SGTA: variants seen among roughly 807,000 people sequenced by gnomAD.
SGTA encodes small glutamine-rich tetratricopeptide repeat-containing protein alpha.
Under a neutral mutation model 44.3 loss-of-function variants are expected in SGTA, and 22 were observed. The ratio of observed to expected loss-of-function variants is 0.50; its 90% CI spans 0.36 to 0.71. The LOEUF (loss-of-function observed/expected upper bound fraction) is 0.71. SGTA is among the 30% of genes least tolerant of loss of function. The pLI, the probability that SGTA is intolerant of heterozygous loss-of-function variation, is 0.00. For missense variants in SGTA, 341 were observed against 435.9 expected (o/e 0.78, Z 1.94); for synonymous variants, 174 against 177.6 (o/e 0.98, Z 0.16).
Position 2,763,749 on chromosome 19 carries a change from G to C in SGTA, c.401C>G (p.Ala134Gly). 1 of 1,613,410 alleles carries C rather than the reference G, an allele frequency of 6.2e-7. No individual in the cohort carries two copies. The change falls in exon 6 of 12, where the codon GCC (alanine) becomes GGC (glycine). Residue 134 changes from alanine to glycine, a missense_variant. Physicochemically the swap from Ala to Gly is moderately conservative, Grantham distance 60 (BLOSUM62 0). Coordinates refer to ENST00000221566, the MANE Select transcript of SGTA (RefSeq NM_003021.4). This position sits in a 1 kb window ranked among gnomAD's most constrained non-coding sequence, Gnocchi z 5.8. ...TGCGTAGTTGCCGAGTTTGCTGTAG[G>C]CTGCGGCTCTGGGGAAGAAAAGGCA... ...NAVYFCNRAAAYSKLGNYAGA... is the reference protein window; with the variant it reads ...NAVYFCNRAAGYSKLGNYAGA...
In SGTA at chr19:2,769,191, T is replaced by C. The variant is rs1394319365; in HGVS notation, c.-23-100A>G. 1.5e-5 allele frequency: 10 copies of C among 679,534 alleles called. No homozygotes were observed. In the Admixed American group the frequency reaches 2.4e-4, roughly 16 times the overall value. The allele number at this position is 679,534 out of a possible 1,614,324, so 42.1% of individuals were successfully genotyped here. ...TAGCTGGGCCTCACTTTAAGGGTGC[T>C]GGCTGATCTCAGCTCCAGGACAGCC... On this transcript the variant is annotated intron_variant, in intron 1 of 11. Coordinates refer to ENST00000221566, the MANE Select transcript of SGTA (RefSeq NM_003021.4).
chr19:2,759,466 A>C, intron 8 of SGTA, 172 bp from the exon 9 acceptor site: 1 of 610,558 alleles, frequency 1.6e-6, no homozygotes, highest in Non-Finnish European at 2.9e-6. Context: ...TCGCCCCCCC[A>C]CCCACGAGCT....
intron 9 of SGTA, among the ~76,000 whole-genome samples, chr19:2,758,087 C>T (rs1402001366): frequency 6.6e-6 from 1 of 152,208 alleles, no homozygotes; most frequent in African/African-American, 2.4e-5. Flanking sequence ...TGGGTTACGC[C>T]AAGACAGGGG....
At chr19:2,760,329 A>T (rs998606614) in intron 8 of SGTA, among the ~76,000 whole-genome samples, 1 of 151,744 alleles carries the variant, frequency 6.6e-6, no homozygotes, top group East Asian at 1.9e-4. Context: ...CCAGCCTGGC[A>T]AACATGGTGA....
intron 2 of SGTA, among the ~76,000 whole-genome samples, chr19:2,768,506 G>A (rs1915212128): frequency 6.6e-6 from 1 of 152,204 alleles, no homozygotes; most frequent in Non-Finnish European, 1.5e-5. Flanking sequence ...GGATCCAGGT[G>A]TCGCAGAAGC....
chr19:2,779,427 T>A (rs577700443), intron 1 of SGTA, among the ~76,000 whole-genome samples: 128 of 152,172 alleles, frequency 8.4e-4, no homozygotes, highest in African/African-American at 2.9e-3. Context: ...CGTAAGAAAG[T>A]TTTCTGCTCT....
intron 1 of SGTA, chr19:2,782,628 C>T (rs1407945107): frequency 6.6e-6 from 1 of 152,220 alleles, no homozygotes; most frequent in Non-Finnish European, 1.5e-5. Context: ...CAGATTTCCC[C>T]CACCTCTAGC....
Position 2,754,890 on chromosome 19 carries a change from G to T in SGTA, c.*1050C>A, listed in dbSNP as rs1188625345. 3 of 152,408 alleles carry T rather than the reference G, an allele frequency of 2.0e-5. No individual in the cohort carries two copies. The East Asian group carries it at 5.8e-4, about 30-fold the overall frequency. 9.4% of individuals were successfully genotyped at this position (152,408 alleles called of 1,614,324 possible). On this transcript the variant is annotated 3_prime_UTR_variant, in exon 12 of 12. Transcript: ENST00000221566. This position sits in a 1 kb window ranked among gnomAD's most constrained non-coding sequence, Gnocchi z 4.4. ...GACGGCCAGGAGCCAGGGAGCCCCA[G>T]GATGCTCCGACTGACAACCCTGCTG... is the stretch of plus-strand genomic sequence containing the variant.
chr19:2,755,760 G>A lies in SGTA; in HGVS notation c.*180C>T. On this transcript the variant is annotated 3_prime_UTR_variant, in exon 12 of 12. Coordinates refer to ENST00000221566, the MANE Select transcript of SGTA (RefSeq NM_003021.4). This position sits in a 1 kb window ranked among gnomAD's most constrained non-coding sequence, Gnocchi z 5.2. ...AGAAGGGTCTGGGGGCTGTAAGGGA[G>A]TTACAAAAAGGGAGTGGAGGAGGGC... The A allele has an allele frequency of 1.0e-6, 1 of 985,552 alleles. No individual in the cohort carries two copies. Among genetic ancestry groups the A allele is most frequent in the Non-Finnish European group, 1.2e-6 (1 of 830,014 alleles). 61.1% of individuals were successfully genotyped at this position (985,552 alleles called of 1,614,324 possible).
rs531599962 is a variant in SGTA, at chr19:2,764,377, C to T, written c.393-620G>A. 2.0e-5 allele frequency among the ~76,000 whole-genome samples: 3 copies of T among 152,296 alleles called. No individual in the cohort carries two copies. The South Asian group carries it at 6.2e-4, about 32-fold the overall frequency. On this transcript the variant is annotated intron_variant, in intron 5 of 11. Coordinates refer to ENST00000221566, the MANE Select transcript of SGTA (RefSeq NM_003021.4). ...ACATCCACGTGGAATGCCATGATACCTGATTTTCTATGTATGTATTTATGT... is the reference window on the plus strand; with the variant it reads ...ACATCCACGTGGAATGCCATGATACTTGATTTTCTATGTATGTATTTATGT...
At chr19:2,756,297 G>A (rs1037771324) in intron 11 of SGTA, among the ~76,000 whole-genome samples, 1 of 151,912 alleles carries the variant, frequency 6.6e-6, no homozygotes, top group Non-Finnish European at 1.5e-5. Flanking sequence ...ATTAATGTTG[G>A]TGGCTCTGGG....
At chr19:2,776,455 A>C (rs1310479731) in intron 1 of SGTA, among the ~76,000 whole-genome samples, 1 of 152,186 alleles carries the variant, frequency 6.6e-6, no homozygotes, top group Non-Finnish European at 1.5e-5. Flanking sequence ...CAAAGGTACA[A>C]AACCTGTGTG....
chr19:2,768,426 G>T (rs527691124), intron 2 of SGTA, among the ~76,000 whole-genome samples: 1 of 152,192 alleles, frequency 6.6e-6, no homozygotes, highest in Non-Finnish European at 1.5e-5. Flanking sequence ...AGGTGGGGAA[G>T]GAGGACCTAG....
rs770400218 is a variant in SGTA, at chr19:2,755,987, C to T, written c.*7-54G>A. ...AGAGCGCAGGTGGGGACCAAGGCTG[C>T]ACCACACACTCCAGGCAGCAGGAGA... On this transcript the variant is annotated intron_variant, in intron 11 of 11. Coordinates refer to ENST00000221566, the MANE Select transcript of SGTA (RefSeq NM_003021.4). This position sits in a 1 kb window ranked among gnomAD's most constrained non-coding sequence, Gnocchi z 5.2. 2.2e-4 allele frequency: 211 copies of T among 949,314 alleles called. No individual in the cohort carries two copies. The highest frequency in any genetic ancestry group is 2.5e-4 in the Non-Finnish European group (203 of 797,300). 58.8% of individuals were successfully genotyped at this position (949,314 alleles called of 1,614,324 possible).
At chr19:2,772,521 A>T (rs1310530822) in intron 1 of SGTA, among the ~76,000 whole-genome samples, 1 of 152,240 alleles carries the variant, frequency 6.6e-6, no homozygotes, top group Non-Finnish European at 1.5e-5. Context: ...AGGCGGCTCC[A>T]GGGGCTGAAT....
At chr19:2,769,509 T>A (rs1021581666) in intron 1 of SGTA, among the ~76,000 whole-genome samples, 2 of 152,174 alleles carry the variant, frequency 1.3e-5, no homozygotes, top group Non-Finnish European at 2.9e-5. Context: ...CCAGCCCCAA[T>A]GTCCACAGTG....
Position 2,755,994 on chromosome 19 carries a change from C to T in SGTA, c.*7-61G>A, listed in dbSNP as rs539704579. On this transcript the variant is annotated intron_variant, in intron 11 of 11. Transcript: ENST00000221566. The surrounding 1 kb of genome is among the most constrained non-coding windows in gnomAD (Gnocchi z 5.2). ...AGGTGGGGACCAAGGCTGCACCACA[C>T]ACTCCAGGCAGCAGGAGAGGCCCAG... The T allele has an allele frequency of 2.6e-5, 24 of 930,878 alleles. No homozygotes were observed. In the South Asian group the frequency reaches 7.4e-4, roughly 29 times the overall value. 57.7% of individuals were successfully genotyped at this position (930,878 alleles called of 1,614,324 possible).
intron 8 of SGTA, among the ~76,000 whole-genome samples, chr19:2,760,840 C>T (rs1376703477): frequency 1.3e-5 from 2 of 152,190 alleles, no homozygotes; most frequent in Non-Finnish European, 2.9e-5. Context: ...TCCCCGACAG[C>T]CTTAGGCGAG....
At chr19:2,781,736 TTC>T (rs1296674155) in intron 1 of SGTA, among the ~76,000 whole-genome samples, 1 of 152,098 alleles carries the variant, frequency 6.6e-6, no homozygotes. Context: ...AAGTACCCAT[TTC>T]TCTCTGCACG....
Sources: gnomAD v4.1 joint callset for allele counts (sites outside exome capture counted in the v4.1 genomes callset) on GRCh38, gnomAD v4.1.1 for gene constraint, Gnocchi (gnomAD v3.1) non-coding constraint, MANE v1.5 for transcripts, NCBI Gene and HGNC (gene_info 2026-07-23, HGNC 2026-07-21) for gene names.